The following OPCML variants were observed in gnomAD, a reference collection of about 807,000 sequenced individuals.
OPCML encodes the protein opioid-binding protein/cell adhesion molecule.
OPCML carries 13 observed loss-of-function variants against 37.8 expected under a neutral mutation model. The observed-to-expected ratio is 0.34, with a 90% CI of 0.22 to 0.55. The LOEUF is 0.55. Ranked by LOEUF, OPCML falls within the 20% of genes least tolerant of loss-of-function variation. The pLI is 0.91. For synonymous variants in OPCML, 176 were observed against 168.8 expected (o/e 1.04, Z -0.33); for missense variants, 341 against 435.6 (o/e 0.78, Z 1.93).
In OPCML at chr11:132,812,756, T is replaced by C. The variant is rs577606821; in HGVS notation, c.146+130170A>G. Among the ~76,000 whole-genome samples, 3 of 152,356 alleles carry C rather than the reference T, an allele frequency of 2.0e-5. No homozygotes were observed. The East Asian group carries it at 5.8e-4, about 29-fold the overall frequency. ...ATCTCCTACTCTGTTATTACATAGA[T>C]TGTGGTATTAGTTATCATTTTGTGT... On this transcript the variant is annotated intron_variant, in intron 2 of 7. Transcript: ENST00000524381.
chr11:133,422,027 T>A, intron 1 of OPCML: 1 of 502,456 alleles, frequency 2.0e-6, no homozygotes, highest in South Asian at 8.5e-5. Context: ...TGCATTTTTG[T>A]TACATAGGTG....
chr11:132,551,075 C>T (rs1202316183), intron 3 of OPCML, among the ~76,000 whole-genome samples: 2 of 152,104 alleles, frequency 1.3e-5, no homozygotes, highest in South Asian at 2.1e-4. Context: ...AGAGATGGGC[C>T]CTTTCTCAGT....
intron 1 of OPCML, among the ~76,000 whole-genome samples, chr11:133,407,809 T>C (rs771332984): frequency 3.3e-5 from 5 of 152,202 alleles, no homozygotes; most frequent in African/African-American, 4.8e-5. Context: ...AAAATACCCA[T>C]GCTTTATCCT....
intron 1 of OPCML, among the ~76,000 whole-genome samples, chr11:133,038,821 G>T (rs1387699011): frequency 2.1e-5 from 2 of 93,476 alleles, no homozygotes; most frequent in Admixed American, 1.4e-4. Flanking sequence ...TTGCCTCTAT[G>T]TTGCCAAAAA....
At chr11:133,531,707 G>A (rs958888418) in intron 1 of OPCML, among the ~76,000 whole-genome samples, 1 of 151,226 alleles carries the variant, frequency 6.6e-6, no homozygotes, top group African/African-American at 2.4e-5. Context: ...AGTTCCGAAG[G>A]AAGGGAGGGA....
chr11:133,228,691 C>T (rs1940146203), intron 1 of OPCML, among the ~76,000 whole-genome samples: 1 of 152,240 alleles, frequency 6.6e-6, no homozygotes, highest in South Asian at 2.1e-4. Context: ...GGGCCTCCCA[C>T]GAATTTATGG....
chr11:133,042,077 C>T (rs1947911189), intron 1 of OPCML, among the ~76,000 whole-genome samples: 1 of 152,138 alleles, frequency 6.6e-6, no homozygotes, highest in African/African-American at 2.4e-5. Flanking sequence ...CCTCTCTGGA[C>T]ACTGACTAAT....
chr11:132,581,570 G>A (rs909989876), intron 3 of OPCML, among the ~76,000 whole-genome samples: 1 of 152,166 alleles, frequency 6.6e-6, no homozygotes, highest in African/African-American at 2.4e-5. Context: ...GCTAAGCAAT[G>A]GGGATGGGGC....
intron 3 of OPCML, among the ~76,000 whole-genome samples, chr11:132,532,272 G>A (rs540575621): frequency 3.9e-5 from 6 of 152,096 alleles, no homozygotes; most frequent in East Asian, 1.9e-4. Flanking sequence ...CTGTAGCTCC[G>A]TCATGTTCTC....
intron 7 of OPCML, among the ~76,000 whole-genome samples, chr11:132,424,586 G>A (rs186238317): frequency 1.3e-5 from 2 of 152,148 alleles, no homozygotes; most frequent in African/African-American, 4.8e-5. Flanking sequence ...GCTCCCCCGG[G>A]GTAAGGTCGC....
intron 1 of OPCML, among the ~76,000 whole-genome samples, chr11:133,368,446 T>C (rs1269120884): frequency 6.6e-6 from 1 of 152,092 alleles, no homozygotes; most frequent in Non-Finnish European, 1.5e-5. Flanking sequence ...ATTATAATGG[T>C]GTGAAAGGAT....
At chr11:133,079,231 C>T (rs1311901583) in intron 1 of OPCML, among the ~76,000 whole-genome samples, 5 of 152,100 alleles carry the variant, frequency 3.3e-5, no homozygotes, top group Non-Finnish European at 7.3e-5. Context: ...TAACGAGAGG[C>T]GTATTTCAAC....
At chr11:132,914,755 G>T (rs1944550421) in intron 2 of OPCML, among the ~76,000 whole-genome samples, 2 of 152,146 alleles carry the variant, frequency 1.3e-5, no homozygotes. Flanking sequence ...GACGGGATGG[G>T]GATCCTCCAG....
chr11:133,034,747 T>C (rs1030217333), intron 1 of OPCML, among the ~76,000 whole-genome samples: 2 of 142,712 alleles, frequency 1.4e-5, no homozygotes, highest in Non-Finnish European at 3.0e-5. Context: ...TGTTGTTTTT[T>C]TTCCTTTTTT....
chr11:132,835,777 T>C (rs1940968443), intron 2 of OPCML, among the ~76,000 whole-genome samples: 1 of 152,236 alleles, frequency 6.6e-6, no homozygotes, highest in Non-Finnish European at 1.5e-5. Flanking sequence ...GCGGTGCCCT[T>C]ATGCCTCTTT....
At chr11:132,791,193 G>C (rs993338100) in intron 2 of OPCML, among the ~76,000 whole-genome samples, 1 of 152,156 alleles carries the variant, frequency 6.6e-6, no homozygotes, top group African/African-American at 2.4e-5. Flanking sequence ...ACTCGTCCAC[G>C]ATCACACACT....
chr11:133,105,069 T>C (rs1949137067), intron 1 of OPCML, among the ~76,000 whole-genome samples: 1 of 152,204 alleles, frequency 6.6e-6, no homozygotes, highest in African/African-American at 2.4e-5. Context: ...CCTTAAACTT[T>C]ATGGTTTAGA....
chr11:132,510,761 C>G (rs2096267161), intron 4 of OPCML, among the ~76,000 whole-genome samples: 1 of 152,104 alleles, frequency 6.6e-6, no homozygotes, highest in African/African-American at 2.4e-5. Context: ...TTATCAGCAG[C>G]ATGAAAACGG....
intron 2 of OPCML, among the ~76,000 whole-genome samples, chr11:132,842,779 T>G (rs942016639): frequency 1.3e-5 from 2 of 152,174 alleles, no homozygotes; most frequent in African/African-American, 4.8e-5. Context: ...TGGACACACT[T>G]AAAGCTGAAT....
Sources: allele counts gnomAD v4.1 joint callset (sites outside exome capture counted in the v4.1 genomes callset), GRCh38; gene constraint gnomAD v4.1.1; transcripts MANE v1.5; gene names NCBI Gene and HGNC (gene_info 2026-07-23, HGNC 2026-07-21).